The following ZNF529 variants were observed in gnomAD, a reference collection of about 807,000 sequenced individuals.
The protein encoded by ZNF529 is zinc finger protein 529.
ZNF529 carries 11 observed loss-of-function variants against 10.1 expected under a neutral mutation model. The observed-to-expected ratio is 1.09, with a 90% CI of 0.69 to 1.81. ZNF529 has a LOEUF of 1.81. Among genes scored for constraint, ZNF529 ranks in the 40% most tolerant of loss-of-function variants. The pLI is 0.00. For synonymous variants in ZNF529, 204 were observed against 215.7 expected (o/e 0.95, Z 0.47); for missense variants, 624 against 666.8 (o/e 0.94, Z 0.71).
chr19:36,548,714 G>A (rs1020459521), intron 4 of ZNF529, among the ~76,000 whole-genome samples: 6 of 152,176 alleles, frequency 3.9e-5, no homozygotes, highest in African/African-American at 1.4e-4. Context: ...TAATAACAAG[G>A]TGCAGTTTGT....
chr19:36,561,560 C>G (rs748849882), intron 2 of ZNF529, among the ~76,000 whole-genome samples: 9 of 152,070 alleles, frequency 5.9e-5, no homozygotes, highest in Non-Finnish European at 1.2e-4. Flanking sequence ...AGGGCCTAGA[C>G]AGAGACCTAC....
chr19:36,554,467 A>G (rs184806726), intron 4 of ZNF529, among the ~76,000 whole-genome samples: 4 of 152,182 alleles, frequency 2.6e-5, no homozygotes, highest in Middle Eastern at 3.4e-3. Flanking sequence ...AATTCCAGCT[A>G]CTCTGGAGGC....
In ZNF529 at chr19:36,601,188, T is replaced by C. The variant is rs77312509; in HGVS notation, c.-128+3938A>G. Among the ~76,000 whole-genome samples, 753 of 152,022 alleles carry C rather than the reference T, an allele frequency of 5.0e-3. 21 individuals are homozygous for C. The highest frequency in any genetic ancestry group is 0.037 in the Admixed American group (564 of 15,284). ...CTTAATTACAAGTGTAATTTTTTTT[T>C]TTTTTTTTGAGACGGAGTCTCGCTC... On this transcript the variant is annotated intron_variant, in intron 1 of 4. Coordinates refer to the ZNF529 transcript ENST00000585960.
chr19:36,550,049 A>G (rs1247661110), intron 4 of ZNF529, among the ~76,000 whole-genome samples: 3 of 152,238 alleles, frequency 2.0e-5, no homozygotes, highest in Non-Finnish European at 4.4e-5. Context: ...CTGGAGGCCA[A>G]CAGTGAGAGA....
chr19:36,575,279 A>G (rs1322198696), upstream of ZNF529, among the ~76,000 whole-genome samples: 1 of 152,266 alleles, frequency 6.6e-6, no homozygotes, highest in Non-Finnish European at 1.5e-5. Context: ...TAACTAAAAT[A>G]TCACAAGCAT....
intron 2 of ZNF529, among the ~76,000 whole-genome samples, chr19:36,584,950 T>C (rs1410815137): frequency 6.6e-6 from 1 of 152,154 alleles, no homozygotes; most frequent in African/African-American, 2.4e-5. Context: ...GAGCACTTAA[T>C]TGATCTCATA....
intron 1 of ZNF529, among the ~76,000 whole-genome samples, chr19:36,603,191 A>G (rs538901467): frequency 6.6e-6 from 1 of 152,300 alleles, no homozygotes; most frequent in Non-Finnish European, 1.5e-5. Context: ...CTAATGTGTA[A>G]TTCTACCTAA....
rs1390678478 is a variant in ZNF529 at position 36,591,382 on chromosome 19, A to AT, written c.-127-1682_-127-1681insA. ...ATGAAATGGACAAAATTTCTAAAAA[A>AT]AAATATATAACTTACTGAAACACAC... On this transcript the variant is annotated intron_variant, in intron 1 of 4. Coordinates refer to the ZNF529 transcript ENST00000585960. 9.2e-5 allele frequency among the ~76,000 whole-genome samples: 14 copies of AT among 152,178 alleles called. No homozygotes were observed. The East Asian group carries it at 1.7e-3, about 19-fold the overall frequency.
At chr19:36,588,604 A>C (rs569792280) in intron 2 of ZNF529, among the ~76,000 whole-genome samples, 59 of 152,308 alleles carry the variant, frequency 3.9e-4, no homozygotes, top group South Asian at 8.3e-4. Flanking sequence ...GATGACCCCC[A>C]GCACTGTGAA....
chr19:36,558,751 A>G (rs1445308733), intron 2 of ZNF529, among the ~76,000 whole-genome samples: 3 of 152,128 alleles, frequency 2.0e-5, no homozygotes, highest in African/African-American at 7.2e-5. Context: ...TAACACCAAA[A>G]GCACCGGAAA....
intron 3 of ZNF529, among the ~76,000 whole-genome samples, chr19:36,555,726 C>T (rs958886501): frequency 2.0e-5 from 3 of 152,208 alleles, no homozygotes; most frequent in Non-Finnish European, 4.4e-5. Flanking sequence ...CTACAATCAT[C>T]ATCATTTTGT....
rs774497575 is a variant in ZNF529, at chr19:36,544,951, C to A, written c.*1915G>T. On this transcript the variant is annotated 3_prime_UTR_variant, in exon 5 of 5. Transcript: ENST00000591340. ...TATAAAAATCAAATAACCGGACAGG[C>A]GTGGTGGCTCATGCCTGTAATCCCA... The A allele has an allele frequency of 5.3e-5, 8 of 152,182 alleles. No homozygotes were observed. Among genetic ancestry groups the A allele is most frequent in the Non-Finnish European group, 1.0e-4 (7 of 68,034 alleles). 9.4% of individuals were successfully genotyped at this position (152,182 alleles called of 1,614,324 possible). A position where few individuals can be genotyped will look rare whatever the true frequency, so the allele number is the denominator to read the frequency against.
Position 36,546,868 on chromosome 19 carries a change from A to G in ZNF529, c.1690T>C (p.Ter564ArgextTer38). ...AAAAACCACTTTATACATTTATTTCAGTCAAATGATTTCTCACCAGTGTAA... is the reference window on the plus strand; with the variant it reads ...AAAAACCACTTTATACATTTATTTCGGTCAAATGATTTCTCACCAGTGTAA... ...KIYTGEKSFD[*>R] The change falls in exon 5 of 5, where the codon TGA becomes CGA. Residue 564 changes from the stop codon to arginine (R), a stop_lost. Transcript: ENST00000591340. 4.4e-6 allele frequency: 7 copies of G among 1,604,118 alleles called. No homozygotes were observed. The highest frequency in any genetic ancestry group is 6.0e-6 in the Non-Finnish European group (7 of 1,174,944).
intron 4 of ZNF529, among the ~76,000 whole-genome samples, 169 bp from the exon 5 acceptor site, chr19:36,548,491 G>A (rs2035139458): frequency 1.3e-5 from 2 of 152,212 alleles, no homozygotes; most frequent in South Asian, 4.1e-4. Flanking sequence ...TATGAGGATT[G>A]TGATAAAGGT....
At chr19:36,578,744 G>A (rs774890289) in intron 2 of ZNF529, among the ~76,000 whole-genome samples, 27 of 151,896 alleles carry the variant, frequency 1.8e-4, no homozygotes, top group Admixed American at 6.6e-5. Context: ...TGGTAGCTGG[G>A]ATTATGCCAC....
intron 4 of ZNF529, among the ~76,000 whole-genome samples, chr19:36,551,197 T>C (rs963535368): frequency 6.6e-6 from 1 of 152,054 alleles, no homozygotes; most frequent in African/African-American, 2.4e-5. Flanking sequence ...AAGAGTCAAA[T>C]GAGGGGAAAA....
intron 4 of ZNF529, among the ~76,000 whole-genome samples, chr19:36,551,193 C>G (rs1016403945): frequency 1.3e-4 from 20 of 152,036 alleles, no homozygotes; most frequent in African/African-American, 4.8e-4. Flanking sequence ...ATACAAGAGT[C>G]AAATGAGGGG....
chr19:36,550,718 A>C (rs2035228730), intron 4 of ZNF529, among the ~76,000 whole-genome samples: 1 of 152,142 alleles, frequency 6.6e-6, no homozygotes, highest in African/African-American at 2.4e-5. Flanking sequence ...TTTTTAAAAA[A>C]GTAAAAATAA....
At chr19:36,582,037 T>C (rs1274485555) in intron 2 of ZNF529, 1 of 152,110 alleles carries the variant, frequency 6.6e-6, no homozygotes, top group Non-Finnish European at 1.5e-5. Flanking sequence ...ATTCCACTCA[T>C]ATGAAGTATC....
Sources: allele counts gnomAD v4.1 joint callset (sites outside exome capture counted in the v4.1 genomes callset), GRCh38; gene constraint gnomAD v4.1.1; transcripts MANE v1.5; gene names NCBI Gene and HGNC (gene_info 2026-07-23, HGNC 2026-07-21).